KLHL2: variants seen among roughly 807,000 people sequenced by gnomAD.
KLHL2 encodes kelch like family member 2, also known as kelch-like protein 2.
In KLHL2, 15 loss-of-function variants were observed where a neutral mutation model predicts 75.8. The ratio of observed to expected loss-of-function variants is 0.20; its 90% CI spans 0.13 to 0.30. The LOEUF is 0.30. Among genes scored for constraint, KLHL2 ranks in the 10% least tolerant of loss-of-function variants. The probability of loss-of-function intolerance (pLI) is 1.00; values close to 1 mark genes in which losing one functional copy is unlikely to be tolerated. For synonymous variants in KLHL2, 214 were observed against 251.9 expected, an observed-to-expected ratio of 0.85 and a Z score of 1.42; for missense variants, 381 against 741.0, an observed-to-expected ratio of 0.51 and a Z score of 5.64.
At chr4:165,252,878 T>C (rs554816471) in intron 4 of KLHL2, among the ~76,000 whole-genome samples, 1 of 152,340 alleles carries the variant, frequency 6.6e-6, no homozygotes, top group African/African-American at 2.4e-5. Context: ...TCTATTAGTA[T>C]GGATTTAAAG....
intron 5 of KLHL2, among the ~76,000 whole-genome samples, chr4:165,290,707 C>T (rs1379921238): frequency 2.0e-4 from 30 of 152,204 alleles, no homozygotes; most frequent in East Asian, 1.9e-4. Flanking sequence ...ATGGCTCATG[C>T]CTGTAATCCC....
At chr4:165,282,846 G>T (rs1161598898) in intron 5 of KLHL2, among the ~76,000 whole-genome samples, 1 of 151,592 alleles carries the variant, frequency 6.6e-6, no homozygotes, top group African/African-American at 2.4e-5. Flanking sequence ...TTTCCATGCT[G>T]CTGATAAAGA....
chr4:165,239,641 A>G (rs1458931717), intron 4 of KLHL2, among the ~76,000 whole-genome samples: 1 of 152,136 alleles, frequency 6.6e-6, no homozygotes, highest in Admixed American at 6.5e-5. Context: ...ATTGCATCTT[A>G]TTTTCTATAA....
intron 5 of KLHL2, among the ~76,000 whole-genome samples, chr4:165,292,595 A>G (rs943458054): frequency 6.6e-6 from 1 of 151,934 alleles, no homozygotes; most frequent in African/African-American, 2.4e-5. Flanking sequence ...GGCCTCCCAG[A>G]GTGCTGAGAT....
chr4:165,223,308 A>G (rs1249098098), intron 2 of KLHL2, among the ~76,000 whole-genome samples: 4 of 152,244 alleles, frequency 2.6e-5, no homozygotes, highest in Non-Finnish European at 5.9e-5. Context: ...GCTGCTGGAC[A>G]CATACAGAGA....
At position 165,319,109 on chromosome 4, in the gene KLHL2, C is replaced by T. The variant is rs1746788363; in HGVS notation, c.1753+1140C>T. On this transcript the variant is annotated intron_variant, in intron 14 of 14. Transcript: ENST00000226725. This position sits in a 1 kb window ranked among gnomAD's most constrained non-coding sequence, Gnocchi z 4.5. ...GCATGAAATTAACTGTAGTATGTTA[C>T]TGTACTACTATAATAATTTTATAGC... 6.6e-6 allele frequency among the ~76,000 whole-genome samples: 1 copy of T among 152,126 alleles called. No homozygotes were observed. The highest frequency in any genetic ancestry group is 1.5e-5 in the Non-Finnish European group (1 of 68,036).
chr4:165,276,260 C>T (rs548018285), intron 5 of KLHL2, among the ~76,000 whole-genome samples: 1 of 152,218 alleles, frequency 6.6e-6, no homozygotes, highest in Non-Finnish European at 1.5e-5. Flanking sequence ...TTACCCAGGC[C>T]TGTTCAGGCA....
At chr4:165,255,643 A>G (rs1271416128) in intron 4 of KLHL2, among the ~76,000 whole-genome samples, 1 of 152,070 alleles carries the variant, frequency 6.6e-6, no homozygotes, top group Non-Finnish European at 1.5e-5. Flanking sequence ...TTGGCCGCAA[A>G]ACCCAGCCCT....
intron 5 of KLHL2, chr4:165,278,048 C>G: frequency 6.5e-7 from 1 of 1,530,442 alleles, no homozygotes; most frequent in East Asian, 2.2e-5. Context: ...TATAAAAAAG[C>G]CCAAGGGCAG....
At chr4:165,263,486 C>G in intron 5 of KLHL2, 127 bp downstream of exon 5, 1 of 1,353,122 alleles carries the variant, frequency 7.4e-7, no homozygotes, top group Middle Eastern at 2.6e-4. Context: ...CATTTAAAAT[C>G]TTATAATGGT....
chr4:165,254,389 T>C (rs1396105936), intron 4 of KLHL2, among the ~76,000 whole-genome samples: 6 of 152,268 alleles, frequency 3.9e-5, no homozygotes, highest in African/African-American at 2.4e-5. Context: ...TGGTTTTTTT[T>C]CTACTAAGTA....
intron 5 of KLHL2, among the ~76,000 whole-genome samples, chr4:165,264,767 A>ATATATAG (rs1742109332): frequency 6.9e-5 from 5 of 72,052 alleles, no homozygotes; most frequent in Non-Finnish European, 1.0e-4. Flanking sequence ...TATATATATA[A>ATATATAG]AACATTATCC....
intron 4 of KLHL2, among the ~76,000 whole-genome samples, chr4:165,239,684 T>C (rs1242666908): frequency 6.6e-6 from 1 of 152,222 alleles, no homozygotes; most frequent in African/African-American, 2.4e-5. Context: ...TACATAAATG[T>C]TTAAATAATA....
chr4:165,278,674 T>C (rs775010971), intron 5 of KLHL2: 1 of 1,601,388 alleles, frequency 6.2e-7, no homozygotes, highest in Non-Finnish European at 8.6e-7. Flanking sequence ...CAGCACCAGC[T>C]ATAGCTACAG....
chr4:165,273,934 T>A (rs1040811634), intron 5 of KLHL2, among the ~76,000 whole-genome samples: 67 of 152,350 alleles, frequency 4.4e-4, no homozygotes, highest in African/African-American at 1.6e-3. Context: ...TTTAGGTGAT[T>A]TGTCTTTAAA....
intron 5 of KLHL2, among the ~76,000 whole-genome samples, chr4:165,269,221 G>A (rs919031645): frequency 1.3e-5 from 2 of 151,966 alleles, no homozygotes; most frequent in Non-Finnish European, 2.9e-5. Context: ...ATGTGAGATG[G>A]GTCTCGTGAA....
At chr4:165,289,547 G>A (rs1744350171) in intron 5 of KLHL2, among the ~76,000 whole-genome samples, 2 of 146,468 alleles carry the variant, frequency 1.4e-5, no homozygotes, top group African/African-American at 5.0e-5. Flanking sequence ...TGGTGAAGGG[G>A]TGGTGTTTGA....
At chr4:165,320,545 A>C (rs1300429031) in intron 14 of KLHL2, among the ~76,000 whole-genome samples, 1 of 152,230 alleles carries the variant, frequency 6.6e-6, no homozygotes. Flanking sequence ...TTCAGCCTCT[A>C]GATCAGTGAC....
At chr4:165,264,991 C>G (rs1742131310) in intron 5 of KLHL2, among the ~76,000 whole-genome samples, 1 of 151,506 alleles carries the variant, frequency 6.6e-6, no homozygotes, top group Non-Finnish European at 1.5e-5. Flanking sequence ...ACATTCCCAC[C>G]AGCAGCATAT....
Sources: allele counts gnomAD v4.1 joint callset (sites outside exome capture counted in the v4.1 genomes callset), GRCh38; gene constraint gnomAD v4.1.1; non-coding constraint Gnocchi (gnomAD v3.1); transcripts MANE v1.5; gene names NCBI Gene and HGNC (gene_info 2026-07-23, HGNC 2026-07-21).